The following PTPRM variants were observed in gnomAD, a reference collection of about 807,000 sequenced individuals.
PTPRM encodes receptor-type tyrosine-protein phosphatase mu.
PTPRM carries 47 observed loss-of-function variants against 186.7 expected under a neutral mutation model. The ratio of observed to expected loss-of-function variants is 0.25; its 90% CI spans 0.20 to 0.32. The LOEUF (loss-of-function observed/expected upper bound fraction) is 0.32. PTPRM is among the 10% of genes least tolerant of loss of function. The pLI is 1.00. For missense variants in PTPRM, 1,494 were observed against 1,865.0 expected, an observed-to-expected ratio of 0.80 and a Z score of 3.66; for synonymous variants, 668 against 674.9, an observed-to-expected ratio of 0.99 and a Z score of 0.16.
chr18:8,248,043 G>C, intron 16 of PTPRM, 107 bp from the exon 17 acceptor site: 1 of 1,359,554 alleles, frequency 7.4e-7, no homozygotes, highest in South Asian at 1.2e-5. Flanking sequence ...AACCCAATGC[G>C]TTTCTACAGC....
chr18:8,334,215 A>G (rs1431648340), intron 22 of PTPRM, among the ~76,000 whole-genome samples: 1 of 152,186 alleles, frequency 6.6e-6, no homozygotes, highest in Non-Finnish European at 1.5e-5. Flanking sequence ...CCCTTATTCC[A>G]GCCTAGAAGC....
intron 25 of PTPRM, 50 bp downstream of exon 25, chr18:8,376,250 G>T: frequency 6.3e-7 from 1 of 1,595,548 alleles, no homozygotes; most frequent in Non-Finnish European, 8.5e-7. Flanking sequence ...GGTGATGGGT[G>T]CAGGGCCACC....
intron 1 of PTPRM, among the ~76,000 whole-genome samples, chr18:7,596,922 C>G (rs546464914): frequency 1.3e-5 from 2 of 151,666 alleles, no homozygotes; most frequent in Middle Eastern, 3.4e-3. Context: ...GGCACAATTT[C>G]GGCTCACTGC....
rs905417979 is a variant in PTPRM, at chr18:8,069,066, C to A, written c.1133-620C>A. ...TGGAGCTTGCAGTGAGCCAAGATCA[C>A]ACCACTGCACTCCAGCCTGGGTGAC... On this transcript the variant is annotated intron_variant, in intron 7 of 32. Coordinates refer to ENST00000580170, the MANE Select transcript of PTPRM (RefSeq NM_001105244.2). Among the ~76,000 whole-genome samples the A allele has an allele frequency of 1.4e-4, 18 of 127,704 alleles. 1 individual carries two copies. Among genetic ancestry groups the A allele is most frequent in the African/African-American group, 5.1e-4 (17 of 33,032 alleles). 83.8% of individuals were successfully genotyped at this position (127,704 alleles called of 152,430 possible).
chr18:7,788,647 G>C (rs934984476), intron 2 of PTPRM, among the ~76,000 whole-genome samples: 9 of 152,190 alleles, frequency 5.9e-5, no homozygotes, highest in Non-Finnish European at 1.3e-4. Flanking sequence ...TGAAAGACTT[G>C]AAAATTGTGC....
chr18:7,605,699 G>T (rs1416197772), intron 1 of PTPRM, among the ~76,000 whole-genome samples: 2 of 152,126 alleles, frequency 1.3e-5, no homozygotes, highest in African/African-American at 4.8e-5. Context: ...ACCTGTTGTG[G>T]ACAGCTCTGG....
In PTPRM at chr18:7,949,304, C is replaced by G. The variant is rs140369696; in HGVS notation, c.787C>G (p.Arg263Gly). 2 of 1,614,034 alleles carry G rather than the reference C, an allele frequency of 1.2e-6. No homozygotes were observed. The highest frequency in any genetic ancestry group is 1.7e-6 in the Non-Finnish European group (2 of 1,179,946). The change falls in exon 6 of 33, where the codon CGC becomes GGC. Residue 263 changes from arginine (R) to glycine (G), a missense_variant. By Grantham distance (125) the Arg-to-Gly change is moderately radical (BLOSUM62 -2). Transcript: ENST00000580170. ...TGCTGGAAAGTACCGCTGCATGATT[C>G]GCACTGAAGGAGGTGTTGGAATATC... ...RDAGKYRCMI[R>G]TEGGVGISNY...
rs2046629931 is a variant in PTPRM at position 7,847,028 on chromosome 18, T to A, written c.197-41078T>A. On this transcript the variant is annotated intron_variant, in intron 2 of 32. Transcript: ENST00000580170. ...TCAAGGAAGTAGTTTAAACTAGGAA[T>A]CTTTGCAAGGTCCCTTAGAATTTCA... Among the ~76,000 whole-genome samples the A allele has an allele frequency of 2.6e-5, 4 of 151,798 alleles. No individual in the cohort carries two copies. In the South Asian group the frequency reaches 8.3e-4, roughly 32 times the overall value.
intron 1 of PTPRM, among the ~76,000 whole-genome samples, chr18:7,600,594 C>CT (rs1360169880): frequency 2.0e-5 from 3 of 152,204 alleles, no homozygotes; most frequent in Non-Finnish European, 4.4e-5. Flanking sequence ...TGATCACCAC[C>CT]TTGTGCGTTG....
chr18:8,160,550 C>T (rs972367254), intron 14 of PTPRM, among the ~76,000 whole-genome samples: 6 of 152,202 alleles, frequency 3.9e-5, no homozygotes, highest in Admixed American at 3.9e-4. Flanking sequence ...CTGCGTAAGC[C>T]TCCCAAAGTT....
intron 9 of PTPRM, among the ~76,000 whole-genome samples, chr18:8,082,034 T>A (rs1171719074): frequency 1.3e-5 from 2 of 152,138 alleles, no homozygotes; most frequent in East Asian, 3.9e-4. Context: ...TAGTAAAGCG[T>A]TTGCTTGATA....
At chr18:8,092,916 G>A (rs146549866) in intron 11 of PTPRM, among the ~76,000 whole-genome samples, 103 of 152,252 alleles carry the variant, frequency 6.8e-4, no homozygotes, top group African/African-American at 2.4e-3. Flanking sequence ...AGGAGGCTGA[G>A]GCTGGAGGAT....
intron 19 of PTPRM, among the ~76,000 whole-genome samples, chr18:8,256,643 G>A (rs988316022): frequency 1.3e-5 from 2 of 152,252 alleles, no homozygotes; most frequent in Non-Finnish European, 1.5e-5. Flanking sequence ...ATGGAAAGGG[G>A]TTATACTTTT....
chr18:7,581,768 C>T (rs2036852266), intron 1 of PTPRM, among the ~76,000 whole-genome samples: 1 of 151,388 alleles, frequency 6.6e-6, no homozygotes, highest in African/African-American at 2.4e-5. Flanking sequence ...TGATCCACCT[C>T]AGCCTCCAGA....
intron 2 of PTPRM, among the ~76,000 whole-genome samples, chr18:7,873,505 G>A (rs570812484): frequency 3.3e-5 from 5 of 152,118 alleles, no homozygotes; most frequent in Non-Finnish European, 7.3e-5. Context: ...AATGGTTACC[G>A]AAGGGACCAA....
At chr18:7,690,869 T>A (rs1255940803) in intron 1 of PTPRM, among the ~76,000 whole-genome samples, 1 of 152,232 alleles carries the variant, frequency 6.6e-6, no homozygotes, top group Non-Finnish European at 1.5e-5. Context: ...CTTCTTCAAG[T>A]GTATACTTCT....
At chr18:8,377,758 G>T (rs754372973) in intron 26 of PTPRM, 1 of 152,224 alleles carries the variant, frequency 6.6e-6, no homozygotes, top group Non-Finnish European at 1.5e-5. Flanking sequence ...ACTCATTGAA[G>T]ATATATATGA....
In PTPRM at chr18:8,069,915, T is replaced by C; in HGVS notation, c.1362T>C (p.Asn454=). The change falls in exon 8 of 33, where the codon AAT becomes AAC. Residue 454 remains asparagine, a synonymous_variant. Transcript: ENST00000580170. ...HTITNLSPYT[N]VSVKLILMNP... is the part of the protein sequence containing the mutation. ...TCACTAACCTGTCACCATACACCAA[T>C]GTCAGTGTGAAACTGATCCTCATGA... 1 of 1,613,914 alleles carries C rather than the reference T, an allele frequency of 6.2e-7. No individual in the cohort carries two copies. Among genetic ancestry groups the C allele is most frequent in the Non-Finnish European group, 8.5e-7 (1 of 1,179,848 alleles).
chr18:8,213,732 G>T lies in PTPRM; in HGVS notation c.2301-30326G>T, dbSNP rs541029835. Among the ~76,000 whole-genome samples the T allele has an allele frequency of 2.6e-5, 4 of 152,168 alleles. No individual in the cohort carries two copies. In the East Asian group the frequency reaches 7.7e-4, roughly 29 times the overall value. ...AAAACTAAAAGTGGATCCACCATTC[G>T]ATCCAGCAGTCCCACTACTGGGTAT... is the stretch of plus-strand genomic sequence containing the variant. On this transcript the variant is annotated intron_variant, in intron 14 of 32. Transcript: ENST00000580170.
Sources: allele counts gnomAD v4.1 joint callset (sites outside exome capture counted in the v4.1 genomes callset), GRCh38; gene constraint gnomAD v4.1.1; transcripts MANE v1.5; gene names NCBI Gene and HGNC (gene_info 2026-07-23, HGNC 2026-07-21).